Variants in SLC60A2 observed in about 807,000 individuals in gnomAD.
The protein encoded by SLC60A2 is solute carrier family 60 member 2.
chr6:111,271,211 T>C, the SLC60A2 span: 1 of 146,138 alleles, frequency 6.8e-6, no homozygotes, highest in Non-Finnish European at 1.5e-5. Flanking sequence ...CAGTTGAATA[T>C]GAGGGAAATA....
chr6:111,265,658 T>C, the SLC60A2 span, among the ~76,000 whole-genome samples: 61 of 152,248 alleles, frequency 4.0e-4, no homozygotes, highest in African/African-American at 1.4e-3. Context: ...AGAATTCGAT[T>C]TGTGAGTATG....
chr6:111,263,905 T>G, the SLC60A2 span: 2 of 1,610,986 alleles, frequency 1.2e-6, no homozygotes, highest in Non-Finnish European at 1.7e-6. Flanking sequence ...CTCACTGTCA[T>G]GATGTCTATC....
At chr6:111,272,342 A>T in the SLC60A2 span, among the ~76,000 whole-genome samples, 3 of 152,116 alleles carry the variant, frequency 2.0e-5, no homozygotes, top group South Asian at 4.1e-4. Context: ...ATGTGTAGTG[A>T]TCAAAGCAGG....
the SLC60A2 span, among the ~76,000 whole-genome samples, chr6:111,262,037 T>C: frequency 6.6e-6 from 1 of 151,812 alleles, no homozygotes; most frequent in South Asian, 2.1e-4. Flanking sequence ...GAAACAGGAT[T>C]GCAACAAAAA....
At chr6:111,268,036 A>C in the SLC60A2 span, 1 of 152,212 alleles carries the variant, frequency 6.6e-6, no homozygotes, top group Non-Finnish European at 1.5e-5. Flanking sequence ...TGATTCTAGA[A>C]ATGAAAATGA....
chr6:111,262,334 TTTCA>T, the SLC60A2 span: 1 of 1,614,206 alleles, frequency 6.2e-7, no homozygotes, highest in South Asian at 1.1e-5. Context: ...GTAGTCTGTC[TTTCA>T]TTTTTGTGGG....
At chr6:111,275,401 C>A in the SLC60A2 span, among the ~76,000 whole-genome samples, 1 of 149,884 alleles carries the variant, frequency 6.7e-6, no homozygotes, top group Non-Finnish European at 1.5e-5. Context: ...GCTTTTAGCT[C>A]AGAACAACTT....
At chr6:111,272,329 A>G in the SLC60A2 span, among the ~76,000 whole-genome samples, 1 of 152,100 alleles carries the variant, frequency 6.6e-6, no homozygotes, top group Admixed American at 6.6e-5. Flanking sequence ...ATACATGCAT[A>G]CAATGTGTAG....
chr6:111,265,897 C>G, the SLC60A2 span: 2 of 1,610,608 alleles, frequency 1.2e-6, no homozygotes, highest in Non-Finnish European at 1.7e-6. Flanking sequence ...CTTATCTTGG[C>G]TATTTGGGGG....
At chr6:111,272,924 G>C in the SLC60A2 span, among the ~76,000 whole-genome samples, 1 of 149,584 alleles carries the variant, frequency 6.7e-6, no homozygotes, top group East Asian at 2.0e-4. Flanking sequence ...TCTGTCTCCT[G>C]GGTTCAAGCG....
chr6:111,261,827 C>T, the SLC60A2 span, among the ~76,000 whole-genome samples: 265 of 152,226 alleles, frequency 1.7e-3, 1 homozygote, highest in African/African-American at 5.9e-3. Context: ...CTCCTGACCT[C>T]GTGATCCGCC....
chr6:111,279,915 C>T, the SLC60A2 span, among the ~76,000 whole-genome samples: 4 of 152,080 alleles, frequency 2.6e-5, no homozygotes, highest in African/African-American at 9.7e-5. Context: ...ATGAGTGAGA[C>T]TCCATCTCAA....
chr6:111,265,453 C>A, the SLC60A2 span: 3 of 918,238 alleles, frequency 3.3e-6, no homozygotes, highest in Non-Finnish European at 2.6e-6. Flanking sequence ...TAATTTTCCT[C>A]AAGTGGCTAC....
At chr6:111,264,035 C>G in the SLC60A2 span, 1 of 665,294 alleles carries the variant, frequency 1.5e-6, no homozygotes, top group South Asian at 2.1e-5. Flanking sequence ...TTGCAATGCC[C>G]CCTAAAATGA....
the SLC60A2 span, among the ~76,000 whole-genome samples, chr6:111,261,156 TACTG>T: frequency 6.6e-6 from 1 of 152,364 alleles, no homozygotes; most frequent in Middle Eastern, 3.4e-3. Flanking sequence ...AAGCAACCTT[TACTG>T]ACTAATTCTG....
At chr6:111,270,553 A>C in the SLC60A2 span, 2 of 152,174 alleles carry the variant, frequency 1.3e-5, no homozygotes, top group Non-Finnish European at 2.9e-5. Context: ...TCTCTAAAAA[A>C]CAGGAAGGCT....
chr6:111,271,205 T>G, the SLC60A2 span: 1 of 147,226 alleles, frequency 6.8e-6, no homozygotes, highest in African/African-American at 2.5e-5. Context: ...GAAATACAGT[T>G]GAATATGAGG....
chr6:111,279,277 T>C, the SLC60A2 span, among the ~76,000 whole-genome samples: 1 of 151,712 alleles, frequency 6.6e-6, no homozygotes, highest in South Asian at 2.1e-4. Flanking sequence ...TTTTTTTTTT[T>C]TTGAGACAGA....
the SLC60A2 span, among the ~76,000 whole-genome samples, chr6:111,274,071 G>T: frequency 6.6e-6 from 1 of 152,028 alleles, no homozygotes; most frequent in Non-Finnish European, 1.5e-5. Flanking sequence ...GCGCAGGCTG[G>T]TCTCAAACTC....
Sources: gnomAD v4.1 joint callset for allele counts (sites outside exome capture counted in the v4.1 genomes callset) on GRCh38, gnomAD v4.1.1 for gene constraint, MANE v1.5 for transcripts, NCBI Gene and HGNC (gene_info 2026-07-23, HGNC 2026-07-21) for gene names.